The following CMTM7 variants were observed in gnomAD, a reference collection of about 807,000 sequenced individuals.
CMTM7 encodes the protein CKLF like MARVEL transmembrane domain containing 7, also known as CKLF-like MARVEL transmembrane domain-containing protein 7.
In CMTM7, 7 loss-of-function variants were observed where a neutral mutation model predicts 19.3. That is an observed-to-expected ratio of 0.36 (90% confidence interval 0.21 to 0.68). CMTM7 has a LOEUF of 0.68. CMTM7 is among the 30% of genes least tolerant of loss of function. The pLI is 0.60. For missense variants in CMTM7, 193 were observed against 232.6 expected, an observed-to-expected ratio of 0.83 and a Z score of 1.11; for synonymous variants, 87 against 99.3, an observed-to-expected ratio of 0.88 and a Z score of 0.74.
intron 1 of CMTM7, among the ~76,000 whole-genome samples, chr3:32,428,797 T>G (rs148721583): frequency 6.6e-6 from 1 of 152,324 alleles, no homozygotes; most frequent in East Asian, 1.9e-4. Context: ...TTTCTTCTAT[T>G]CTTCACAGAG....
chr3:32,422,719 G>A (rs1487667734), intron 1 of CMTM7, among the ~76,000 whole-genome samples: 1 of 152,210 alleles, frequency 6.6e-6, no homozygotes, highest in African/African-American at 2.4e-5. Context: ...GGTTACTCCT[G>A]AGAAATCCAT....
At chr3:32,420,835 T>C (rs1396184272) in intron 1 of CMTM7, among the ~76,000 whole-genome samples, 1 of 152,220 alleles carries the variant, frequency 6.6e-6, no homozygotes, top group African/African-American at 2.4e-5. Flanking sequence ...TGGCAAGGCC[T>C]GCTGCCTGCT....
At chr3:32,452,125 C>G in intron 3 of CMTM7, 2 of 1,464,376 alleles carry the variant, frequency 1.4e-6, no homozygotes, top group Non-Finnish European at 1.8e-6. Flanking sequence ...CCAGACCAGG[C>G]ACTGAAGCTG....
rs9843825 is a variant in CMTM7 at position 32,423,548 on chromosome 3, C to T, written c.160-18292C>T. Among the ~76,000 whole-genome samples, 1,395 of 152,310 alleles carry T rather than the reference C, an allele frequency of 9.2e-3. 31 individuals are homozygous for T. The highest frequency in any genetic ancestry group is 0.031 in the African/African-American group (1,304 of 41,556). On this transcript the variant is annotated intron_variant, in intron 1 of 4. Coordinates refer to ENST00000334983, the MANE Select transcript of CMTM7 (RefSeq NM_138410.4). ...CAAAACCAAGAGCTCTCCAAAGTGT[C>T]TCTGTCACTGACATTCTTCATTGAC...
At chr3:32,414,349 T>A (rs1696226761) in intron 1 of CMTM7, among the ~76,000 whole-genome samples, 1 of 152,232 alleles carries the variant, frequency 6.6e-6, no homozygotes, top group Non-Finnish European at 1.5e-5. Flanking sequence ...AGCTTCTGTT[T>A]GGTGCAAGTC....
chr3:32,404,142 CTTTT>C (rs11364371), intron 1 of CMTM7, among the ~76,000 whole-genome samples: 2 of 109,234 alleles, frequency 1.8e-5, no homozygotes, highest in African/African-American at 4.2e-5. Flanking sequence ...TTCTTTCTTT[CTTTT>C]TTTTTCTTTT....
At position 32,452,377 on chromosome 3, in the gene CMTM7, C is replaced by A; in HGVS notation, c.433-15C>A. On this transcript the variant is annotated splice_polypyrimidine_tract_variant and intron_variant, in intron 3 of 4. Transcript: ENST00000334983. ...CTATGGCCTGTGAACTTCCTCTCCC[C>A]TCTCTCCACTGCAGATCTTTGGTTT... is the stretch of plus-strand genomic sequence containing the variant. 1 of 1,614,202 alleles carries A rather than the reference C, an allele frequency of 6.2e-7. No individual in the cohort carries two copies. Among genetic ancestry groups the A allele is most frequent in the Admixed American group, 1.7e-5 (1 of 60,030 alleles).
At chr3:32,441,151 G>C (rs1696670165) in intron 1 of CMTM7, among the ~76,000 whole-genome samples, 3 of 152,188 alleles carry the variant, frequency 2.0e-5, no homozygotes, top group Admixed American at 1.3e-4. Flanking sequence ...AGGTAGAACT[G>C]CATCTGACAT....
At chr3:32,435,467 TG>T (rs1696584734) in intron 1 of CMTM7, among the ~76,000 whole-genome samples, 2 of 152,260 alleles carry the variant, frequency 1.3e-5, no homozygotes, top group Admixed American at 1.3e-4. Context: ...TTTGCAGCGC[TG>T]TTTGTATTAA....
At chr3:32,426,320 T>C (rs1337009966) in intron 1 of CMTM7, among the ~76,000 whole-genome samples, 1 of 152,244 alleles carries the variant, frequency 6.6e-6, no homozygotes, top group Non-Finnish European at 1.5e-5. Context: ...GAGTCTTTCT[T>C]AACCTTTTTA....
intron 1 of CMTM7, 67 bp from the exon 2 acceptor site, chr3:32,441,773 C>T: frequency 7.0e-7 from 1 of 1,425,734 alleles, no homozygotes; most frequent in East Asian, 2.3e-5. Context: ...TGGTTGTTTT[C>T]CGTTGTTTGT....
intron 1 of CMTM7, among the ~76,000 whole-genome samples, chr3:32,419,918 T>C (rs1210308618): frequency 6.6e-6 from 1 of 152,204 alleles, no homozygotes; most frequent in African/African-American, 2.4e-5. Context: ...GGTCTCTCTT[T>C]CCTCTCTGTG....
At chr3:32,400,400 T>TTC (rs1189782477) in intron 1 of CMTM7, among the ~76,000 whole-genome samples, 6 of 2,704 alleles carry the variant, frequency 2.2e-3, no homozygotes, top group African/African-American at 3.4e-3. Flanking sequence ...CTTCTTCTTC[T>TTC]TTTTTTTTTT....
intron 1 of CMTM7, among the ~76,000 whole-genome samples, chr3:32,438,157 T>A (rs1042999984): frequency 1.3e-5 from 2 of 152,158 alleles, no homozygotes; most frequent in Non-Finnish European, 2.9e-5. Flanking sequence ...GTGCATTTGC[T>A]TTTCTAACTG....
At chr3:32,448,927 C>A (rs1696790596) in intron 2 of CMTM7, among the ~76,000 whole-genome samples, 1 of 152,196 alleles carries the variant, frequency 6.6e-6, no homozygotes, top group Non-Finnish European at 1.5e-5. Flanking sequence ...CTCAAGTCCA[C>A]ACTTGGGGCC....
Position 32,455,175 on chromosome 3 carries a change from T to G in CMTM7, c.*921T>G, listed in dbSNP as rs1300471707. On this transcript the variant is annotated 3_prime_UTR_variant, in exon 5 of 5. Transcript: ENST00000334983. Reference sequence around the variant, plus strand: ...GCCTAAATGTGCTGTTTCGCTGATCTTGAGCTGCTCAGTTGGCTAGAAAAA... The same window carrying G: ...GCCTAAATGTGCTGTTTCGCTGATCGTGAGCTGCTCAGTTGGCTAGAAAAA... 5 of 152,502 alleles carry G rather than the reference T, an allele frequency of 3.3e-5. No individual in the cohort carries two copies. 9.4% of individuals were successfully genotyped at this position (152,502 alleles called of 1,614,324 possible).
At chr3:32,453,151 A>G (rs1354122792) in intron 4 of CMTM7, among the ~76,000 whole-genome samples, 1 of 151,374 alleles carries the variant, frequency 6.6e-6, no homozygotes, top group Non-Finnish European at 1.5e-5. Context: ...TTTAATAGAA[A>G]CCGTCTGAAC....
At chr3:32,404,290 A>C (rs1385143083) in intron 1 of CMTM7, among the ~76,000 whole-genome samples, 61 of 151,146 alleles carry the variant, frequency 4.0e-4, no homozygotes, top group Non-Finnish European at 4.4e-5. Flanking sequence ...CCTCCTGAGT[A>C]GCTGGGATTA....
At chr3:32,447,299 T>C (rs1396448893) in intron 2 of CMTM7, among the ~76,000 whole-genome samples, 1 of 152,260 alleles carries the variant, frequency 6.6e-6, no homozygotes, top group East Asian at 1.9e-4. Context: ...CTTACCTTTA[T>C]TGAAGTTTGT....
Sources: gnomAD v4.1 joint callset for allele counts (sites outside exome capture counted in the v4.1 genomes callset) on GRCh38, gnomAD v4.1.1 for gene constraint, MANE v1.5 for transcripts, NCBI Gene and HGNC (gene_info 2026-07-23, HGNC 2026-07-21) for gene names.